Variants in ATP13A4 observed in about 807,000 individuals in gnomAD.
The protein encoded by ATP13A4 is probable cation-transporting ATPase 13A4.
A neutral mutation model predicts 142.5 loss-of-function variants in ATP13A4; 114 were observed. The ratio of observed to expected loss-of-function variants is 0.80; its 90% CI spans 0.69 to 0.93. The LOEUF is 0.93. Ranked by LOEUF, ATP13A4 falls within the 40% of genes least tolerant of loss-of-function variation. The pLI is 0.00. For missense variants in ATP13A4, 1,392 were observed against 1,454.0 expected (o/e 0.96, Z 0.69); for synonymous variants, 488 against 514.8 (o/e 0.95, Z 0.70).
At chr3:193,410,699 A>G (rs1714724875) in intron 28 of ATP13A4, among the ~76,000 whole-genome samples, 1 of 152,254 alleles carries the variant, frequency 6.6e-6, no homozygotes, top group South Asian at 2.1e-4. Context: ...AGACTGGGCA[A>G]CAAAGTGAGA....
At chr3:193,514,090 T>G (rs1483968339) in intron 2 of ATP13A4, among the ~76,000 whole-genome samples, 1 of 152,226 alleles carries the variant, frequency 6.6e-6, no homozygotes, top group African/African-American at 2.4e-5. Context: ...ATTTTTAATT[T>G]AACTTGTATT....
At chr3:193,556,383 T>G (rs1474355803), upstream of ATP13A4, among the ~76,000 whole-genome samples, 1 of 152,018 alleles carries the variant, frequency 6.6e-6, no homozygotes, top group Non-Finnish European at 1.5e-5. Flanking sequence ...GTGTATATGT[T>G]GTATGTGTAA....
chr3:193,415,821 TG>T (rs1282587350), intron 25 of ATP13A4, among the ~76,000 whole-genome samples: 1 of 152,152 alleles, frequency 6.6e-6, no homozygotes, highest in Non-Finnish European at 1.5e-5. Context: ...GAAATTTCCT[TG>T]GAGGAATTAG....
In ATP13A4 at chr3:193,438,732, A is replaced by G. The variant is rs1035884367; in HGVS notation, c.2563-148T>C. ...GACTTAACCCTGCCTGGAACATGAG[A>G]AAAAGATGGCATTAGGATACCTAGC... On this transcript the variant is annotated intron_variant, in intron 22 of 29. Coordinates refer to ENST00000342695, the MANE Select transcript of ATP13A4 (RefSeq NM_032279.4). 5.2e-6 allele frequency: 4 copies of G among 768,488 alleles called. No individual in the cohort carries two copies. In the African/African-American group the frequency reaches 7.0e-5, roughly 13 times the overall value. The allele number at this position is 768,488 out of a possible 1,614,324, so 47.6% of individuals were successfully genotyped here.
chr3:193,582,084 C>CATAT (rs71912541), intron 1 of ATP13A4, among the ~76,000 whole-genome samples: 1,234 of 43,408 alleles, frequency 0.028, 15 homozygotes, highest in Middle Eastern at 0.033. Flanking sequence ...AAAAGACTTC[C>CATAT]ATATATATAT....
At chr3:193,508,030 T>C (rs914575651) in intron 2 of ATP13A4, among the ~76,000 whole-genome samples, 4 of 152,122 alleles carry the variant, frequency 2.6e-5, no homozygotes, top group Admixed American at 6.5e-5. Flanking sequence ...GGGTACACAC[T>C]AATCCAAAAG....
chr3:193,503,040 G>A lies in ATP13A4; in HGVS notation c.235-401C>T, dbSNP rs767823464. ...ACACCCTTCCACCGGGGCGGGGCAG[G>A]GGGGGGAACTATCACTTTGTTAACT... On this transcript the variant is annotated intron_variant, in intron 2 of 29. Coordinates refer to ENST00000342695, the MANE Select transcript of ATP13A4 (RefSeq NM_032279.4). Among the ~76,000 whole-genome samples the A allele has an allele frequency of 1.1e-4, 17 of 151,956 alleles. No individual in the cohort carries two copies. The East Asian group carries it at 1.4e-3, about 12-fold the overall frequency.
chr3:193,554,633 CTGTGTGTGTGTGATGCGTGCGTGTGTG>C, intron 1 of ATP13A4, 80 bp downstream of exon 1: 1 of 1,386,752 alleles, frequency 7.2e-7, no homozygotes. Flanking sequence ...TTAGAAAAGT[CTGTGTGTGTGTGATGCGTGCGTGTGTG>C]TGTGTGTGTG....
chr3:193,573,295 A>ATATATATATGTG (rs1560287325), intron 2 of ATP13A4, among the ~76,000 whole-genome samples: 3 of 83,960 alleles, frequency 3.6e-5, no homozygotes, highest in Non-Finnish European at 7.1e-5. Flanking sequence ...ATATACACAT[A>ATATATATATGTG]TATATATATA....
intron 19 of ATP13A4, among the ~76,000 whole-genome samples, chr3:193,442,166 C>T (rs1716680895): frequency 6.6e-6 from 1 of 152,182 alleles, no homozygotes; most frequent in African/African-American, 2.4e-5. Flanking sequence ...CATATAGGGA[C>T]AACCACTTTT....
intron 23 of ATP13A4, 35 bp from the exon 24 acceptor site, chr3:193,435,779 T>G (rs1391362391): frequency 9.7e-6 from 15 of 1,540,848 alleles, no homozygotes; most frequent in Non-Finnish European, 1.3e-5. Flanking sequence ...GACATGAAAG[T>G]AATGAAAAGA....
At chr3:193,483,233 CT>C (rs2108657944) in intron 8 of ATP13A4, among the ~76,000 whole-genome samples, 1 of 152,088 alleles carries the variant, frequency 6.6e-6, no homozygotes, top group Non-Finnish European at 1.5e-5. Flanking sequence ...TGACAGAAAG[CT>C]GATAAATGAT....
chr3:193,475,827 CA>C (rs985184574), intron 8 of ATP13A4, among the ~76,000 whole-genome samples: 21 of 151,730 alleles, frequency 1.4e-4, no homozygotes, highest in African/African-American at 3.9e-4. Flanking sequence ...TGGGATGTTA[CA>C]AACAGGAAAA....
intron 17 of ATP13A4, among the ~76,000 whole-genome samples, chr3:193,453,663 A>T (rs942285000): frequency 3.1e-4 from 47 of 152,068 alleles, no homozygotes; most frequent in African/African-American, 1.0e-3. Context: ...TATTTGTTTC[A>T]TTAAGCTGTG....
rs779374049 is a variant in ATP13A4, at chr3:193,414,743, CA to C, written c.2849del (p.Leu950ArgfsTer17). 14 of 1,614,026 alleles carry C rather than the reference CA, an allele frequency of 8.7e-6. No individual in the cohort carries two copies. The highest frequency in any genetic ancestry group is 1.2e-5 in the Non-Finnish European group (14 of 1,179,958). ...ITTLIGVTMN[L>X]NGAYPKLVPF... ...GCACCAGCTTAGGGTAGGCACCATT[CA>C]GATTCACTATAAAATAAATTCGAAT... On this transcript the variant is annotated frameshift_variant, in exon 26 of 30. Transcript: ENST00000342695. LOFTEE classifies it high-confidence loss of function.
chr3:193,416,850 C>A (rs1715090200), intron 25 of ATP13A4: 1 of 152,104 alleles, frequency 6.6e-6, no homozygotes, highest in Non-Finnish European at 1.5e-5. Flanking sequence ...AGGCATAAAT[C>A]TGCATATCCA....
In ATP13A4 at chr3:193,435,242, C is replaced by T. The variant is rs1159224266; in HGVS notation, c.2769+406G>A. ...TATTTACGCCACTGAAATGGGCAAA[C>T]ATTAATAATCAGGTCTTTTTTTTCA... On this transcript the variant is annotated intron_variant, in intron 24 of 29. Transcript: ENST00000342695. 5.3e-5 allele frequency among the ~76,000 whole-genome samples: 6 copies of T among 114,012 alleles called. No individual in the cohort carries two copies. The Admixed American group carries it at 6.1e-4, about 12-fold the overall frequency. The allele number at this position is 114,012 out of a possible 152,430, so 74.8% of individuals were successfully genotyped here.
Position 193,472,019 on chromosome 3 carries a change from C to T in ATP13A4, c.809-1026G>A, listed in dbSNP as rs377692974. 9.7e-4 allele frequency among the ~76,000 whole-genome samples: 148 copies of T among 152,106 alleles called. 1 individual carries two copies. The highest frequency in any genetic ancestry group is 3.4e-3 in the African/African-American group (140 of 41,468). On this transcript the variant is annotated intron_variant, in intron 8 of 29. Coordinates refer to ENST00000342695, the MANE Select transcript of ATP13A4 (RefSeq NM_032279.4). The stretch of plus-strand genomic sequence containing the variant: ...GTGGCCCGCTGTGGGATGTTGGGAC[C>T]CGAGCAAGGTGAAAAGGGTGTCTAC...
chr3:193,447,463 T>C (rs1470513022), intron 18 of ATP13A4, among the ~76,000 whole-genome samples: 1 of 152,130 alleles, frequency 6.6e-6, no homozygotes, highest in Non-Finnish European at 1.5e-5. Context: ...AAATAATGTA[T>C]CTTCGTGACA....
Sources: gnomAD v4.1 joint callset for allele counts (sites outside exome capture counted in the v4.1 genomes callset) on GRCh38, gnomAD v4.1.1 for gene constraint, MANE v1.5 for transcripts, NCBI Gene and HGNC (gene_info 2026-07-23, HGNC 2026-07-21) for gene names.